The following CACNA2D3 variants were observed in gnomAD, a reference collection of about 807,000 sequenced individuals.
The protein encoded by CACNA2D3 is voltage-dependent calcium channel subunit alpha-2/delta-3.
CACNA2D3 carries 60 observed loss-of-function variants against 160.6 expected under a neutral mutation model. The observed-to-expected ratio is 0.37, with a 90% CI of 0.30 to 0.46. The LOEUF (loss-of-function observed/expected upper bound fraction) is 0.46. Ranked by LOEUF, CACNA2D3 falls within the 20% of genes least tolerant of loss-of-function variation. CACNA2D3 has a pLI of 1.00. For synonymous variants in CACNA2D3, 558 were observed against 492.9 expected (o/e 1.13, Z -1.75); for missense variants, 1,205 against 1,365.0 (o/e 0.88, Z 1.85).
intron 10 of CACNA2D3, among the ~76,000 whole-genome samples, chr3:54,631,062 G>A (rs1355769731): frequency 6.6e-6 from 1 of 152,056 alleles, no homozygotes; most frequent in Admixed American, 6.6e-5. Flanking sequence ...AAATTAGTCA[G>A]GCATGGTGGT....
At chr3:54,879,152 T>C in intron 19 of CACNA2D3, 63 bp downstream of exon 19, 1 of 1,110,348 alleles carries the variant, frequency 9.0e-7, no homozygotes, top group Non-Finnish European at 1.3e-6. Flanking sequence ...AAAATTAGCT[T>C]TGAAAGCTAT....
chr3:54,582,548 C>A (rs1051440367), intron 9 of CACNA2D3, among the ~76,000 whole-genome samples: 1 of 152,220 alleles, frequency 6.6e-6, no homozygotes, highest in East Asian at 1.9e-4. Flanking sequence ...CACTATACCA[C>A]CCCTGCAGGG....
At chr3:54,194,769 T>G (rs1701048429) in intron 2 of CACNA2D3, among the ~76,000 whole-genome samples, 1 of 152,168 alleles carries the variant, frequency 6.6e-6, no homozygotes, top group Non-Finnish European at 1.5e-5. Context: ...GTGAACCCAC[T>G]CCCTCAAGCC....
At chr3:55,007,691 C>T in intron 32 of CACNA2D3, 99 bp from the exon 33 acceptor site, 3 of 753,012 alleles carry the variant, frequency 4.0e-6, no homozygotes, top group Non-Finnish European at 6.5e-6. Flanking sequence ...ATATCAATCT[C>T]TCTAGAAGAA....
At chr3:54,859,255 C>G (rs1050989397) in intron 17 of CACNA2D3, among the ~76,000 whole-genome samples, 3 of 152,172 alleles carry the variant, frequency 2.0e-5, no homozygotes, top group South Asian at 2.1e-4. Context: ...AGACCATGGG[C>G]TCTTTGGCAC....
chr3:54,807,077 A>G (rs1165765686), intron 13 of CACNA2D3, among the ~76,000 whole-genome samples: 3 of 152,206 alleles, frequency 2.0e-5, no homozygotes, highest in Admixed American at 6.5e-5. Flanking sequence ...AGACTTAAAC[A>G]TTAGACCTAA....
At chr3:54,574,789 A>G (rs553543119) in intron 8 of CACNA2D3, among the ~76,000 whole-genome samples, 9 of 152,244 alleles carry the variant, frequency 5.9e-5, no homozygotes, top group Non-Finnish European at 1.2e-4. Flanking sequence ...CATTAAATGA[A>G]CACAGCATTA....
intron 11 of CACNA2D3, among the ~76,000 whole-genome samples, chr3:54,704,478 G>A (rs1484402942): frequency 1.3e-5 from 2 of 151,872 alleles, no homozygotes; most frequent in Non-Finnish European, 2.9e-5. Context: ...TGGCTAATAG[G>A]TTTTTGCCTT....
intron 3 of CACNA2D3, among the ~76,000 whole-genome samples, chr3:54,381,908 T>A (rs1003172083): frequency 2.6e-5 from 4 of 152,226 alleles, no homozygotes; most frequent in Non-Finnish European, 5.9e-5. Context: ...AACTCATGAA[T>A]TACAACCTTT....
At chr3:54,223,330 G>A (rs1701608535) in intron 2 of CACNA2D3, among the ~76,000 whole-genome samples, 1 of 152,128 alleles carries the variant, frequency 6.6e-6, no homozygotes, top group Admixed American at 6.6e-5. Context: ...GAATATTGTA[G>A]GCAGTTGTAA....
intron 13 of CACNA2D3, among the ~76,000 whole-genome samples, chr3:54,781,822 A>G (rs573912411): frequency 4.6e-5 from 7 of 152,222 alleles, no homozygotes; most frequent in South Asian, 2.1e-4. Flanking sequence ...AGGTGTTCTG[A>G]TGGCCCCTTG....
At chr3:55,058,976 A>G (rs1490499625) in intron 35 of CACNA2D3, among the ~76,000 whole-genome samples, 6 of 152,158 alleles carry the variant, frequency 3.9e-5, no homozygotes, top group African/African-American at 7.2e-5. Context: ...ATTTAGCTCA[A>G]TTGTTTTCTT....
intron 9 of CACNA2D3, among the ~76,000 whole-genome samples, chr3:54,587,831 C>A (rs1284701801): frequency 6.6e-6 from 1 of 152,046 alleles, no homozygotes; most frequent in Non-Finnish European, 1.5e-5. Flanking sequence ...TTAAAAGCAC[C>A]CTCTCCCTGC....
intron 29 of CACNA2D3, among the ~76,000 whole-genome samples, chr3:54,977,172 G>C (rs1455893450): frequency 2.0e-5 from 3 of 152,130 alleles, no homozygotes; most frequent in African/African-American, 7.2e-5. Flanking sequence ...TTCTCAGAAT[G>C]ACCACAAAAA....
intron 9 of CACNA2D3, among the ~76,000 whole-genome samples, chr3:54,627,382 G>A (rs186927284): frequency 2.4e-4 from 36 of 152,274 alleles, no homozygotes; most frequent in African/African-American, 8.4e-4. Flanking sequence ...GGGAGAGGGC[G>A]TGGCAGGAGA....
chr3:54,326,310 A>C (rs1376014042), intron 3 of CACNA2D3, among the ~76,000 whole-genome samples: 1 of 152,230 alleles, frequency 6.6e-6, no homozygotes, highest in Non-Finnish European at 1.5e-5. Flanking sequence ...AGAGGGTACT[A>C]TTAAAGCAAC....
intron 11 of CACNA2D3, among the ~76,000 whole-genome samples, chr3:54,744,000 T>G (rs1350594165): frequency 6.6e-6 from 1 of 152,224 alleles, no homozygotes; most frequent in Admixed American, 6.5e-5. Flanking sequence ...CCATCCCTGC[T>G]CCTTTACATG....
intron 2 of CACNA2D3, among the ~76,000 whole-genome samples, chr3:54,167,103 G>C (rs866649189): frequency 1.3e-5 from 2 of 152,140 alleles, no homozygotes; most frequent in African/African-American, 2.4e-5. Flanking sequence ...AGAGTGTCCT[G>C]CTGTTTCCTC....
intron 2 of CACNA2D3, among the ~76,000 whole-genome samples, chr3:54,226,260 C>T (rs1701669713): frequency 6.6e-6 from 1 of 151,496 alleles, no homozygotes; most frequent in Non-Finnish European, 1.5e-5. Flanking sequence ...AGGGAAATGG[C>T]TCAGACTGTA....
Sources: gnomAD v4.1 joint callset for allele counts (sites outside exome capture counted in the v4.1 genomes callset) on GRCh38, gnomAD v4.1.1 for gene constraint, MANE v1.5 for transcripts, NCBI Gene and HGNC (gene_info 2026-07-23, HGNC 2026-07-21) for gene names.